The following EML4 variants were observed in gnomAD, a reference collection of about 807,000 sequenced individuals.
The protein encoded by EML4 is echinoderm microtubule-associated protein-like 4.
EML4 carries 72 observed loss-of-function variants against 129.0 expected under a neutral mutation model. The ratio of observed to expected loss-of-function variants is 0.56; its 90% CI spans 0.46 to 0.68. The LOEUF (loss-of-function observed/expected upper bound fraction) is 0.68. Among genes scored for constraint, EML4 ranks in the 30% least tolerant of loss-of-function variants. EML4 has a pLI of 0.00. For synonymous variants in EML4, 532 were observed against 405.0 expected, an observed-to-expected ratio of 1.31 and a Z score of -3.77; for missense variants, 1,363 against 1,190.6, an observed-to-expected ratio of 1.14 and a Z score of -2.13.
chr2:42,313,876 C>A (rs185913033), intron 17 of EML4, among the ~76,000 whole-genome samples: 1 of 150,742 alleles, frequency 6.6e-6, no homozygotes, highest in Non-Finnish European at 1.5e-5. Flanking sequence ...TGCAGTGAGC[C>A]GAGATAGTGC....
chr2:42,273,357 C>G (rs975751076), intron 6 of EML4, among the ~76,000 whole-genome samples: 1 of 152,054 alleles, frequency 6.6e-6, no homozygotes, highest in African/African-American at 2.4e-5. Context: ...TAAAAATAAT[C>G]TAAAATGCTT....
intron 16 of EML4, 44 bp downstream of exon 16, chr2:42,303,490 C>A: frequency 1.3e-6 from 2 of 1,598,094 alleles, no homozygotes; most frequent in Non-Finnish European, 1.7e-6. Flanking sequence ...CACAGAAACT[C>A]CTCACACTGG....
intron 19 of EML4, among the ~76,000 whole-genome samples, chr2:42,322,547 A>T (rs765077826): frequency 6.6e-6 from 1 of 152,170 alleles, no homozygotes; most frequent in Admixed American, 6.5e-5. Flanking sequence ...ATTTAACTCA[A>T]ATATTTCTGA....
At chr2:42,198,481 G>A (rs201403322) in intron 1 of EML4, among the ~76,000 whole-genome samples, 1 of 152,090 alleles carries the variant, frequency 6.6e-6, no homozygotes, top group Non-Finnish European at 1.5e-5. Context: ...AAGGTGGGAG[G>A]ATTGCTTGAG....
chr2:42,295,608 G>C, intron 13 of EML4, 92 bp downstream of exon 13: 2 of 1,122,608 alleles, frequency 1.8e-6, no homozygotes, highest in South Asian at 3.5e-5. Flanking sequence ...AAGAGCTGCA[G>C]TGTAACAATA....
intron 1 of EML4, among the ~76,000 whole-genome samples, chr2:42,231,708 G>A (rs557314342): frequency 1.3e-4 from 20 of 152,284 alleles, no homozygotes; most frequent in Non-Finnish European, 1.8e-4. Context: ...CCAGCACTTT[G>A]GGAGGCCAAG....
chr2:42,235,515 T>G (rs560005413), intron 1 of EML4, among the ~76,000 whole-genome samples: 4 of 152,228 alleles, frequency 2.6e-5, no homozygotes, highest in African/African-American at 9.6e-5. Flanking sequence ...GTTACTAGTT[T>G]CTCATGGTCT....
intron 1 of EML4, among the ~76,000 whole-genome samples, chr2:42,216,337 G>A (rs1293658022): frequency 6.9e-6 from 1 of 145,788 alleles, no homozygotes; most frequent in Non-Finnish European, 1.5e-5. Flanking sequence ...CTGCTGCCCG[G>A]GTTCAAGCGA....
chr2:42,253,721 G>A (rs57946411), intron 2 of EML4, among the ~76,000 whole-genome samples: 2 of 151,346 alleles, frequency 1.3e-5, no homozygotes, highest in Non-Finnish European at 1.5e-5. Flanking sequence ...ATGCCAGGGG[G>A]AAAAAAAAGA....
intron 2 of EML4, among the ~76,000 whole-genome samples, chr2:42,254,396 A>G: frequency 6.6e-6 from 1 of 151,654 alleles, no homozygotes; most frequent in Non-Finnish European, 1.5e-5. Context: ...AGGCCGTGGC[A>G]GCAGTGAGCC....
chr2:42,208,012 C>T (rs1057065272), intron 1 of EML4: 4 of 152,182 alleles, frequency 2.6e-5, no homozygotes, highest in Admixed American at 6.5e-5. Flanking sequence ...GAAAGTCGGA[C>T]ATCAGTATGC....
intron 1 of EML4, among the ~76,000 whole-genome samples, chr2:42,202,788 A>G (rs1478108532): frequency 6.6e-6 from 1 of 152,048 alleles, no homozygotes; most frequent in East Asian, 1.9e-4. Context: ...TCCTTTGGCA[A>G]CACCCTTCAA....
intron 1 of EML4, among the ~76,000 whole-genome samples, chr2:42,224,519 G>A (rs753241367): frequency 3.8e-4 from 58 of 152,080 alleles, no homozygotes; most frequent in Non-Finnish European, 2.9e-5. Context: ...ACAGTCATGG[G>A]CAAGTTTTTA....
At position 42,263,229 on chromosome 2, in the gene EML4, AGAT is replaced by A. The variant is rs1422670367; in HGVS notation, c.568_570del (p.Asp190del). ...AGTCACATAATTCTTGGGAAAATTCAGATGATAGCCGTAATAAATTGTCGAAAA... is the reference window on the plus strand; with the variant it reads ...AGTCACATAATTCTTGGGAAAATTCAGATAGCCGTAATAAATTGTCGAAAA... On this transcript the variant is annotated inframe_deletion, in exon 5 of 23. Transcript: ENST00000318522. 1.2e-6 allele frequency: 2 copies of A among 1,613,170 alleles called. No individual in the cohort carries two copies. Among genetic ancestry groups the A allele is most frequent in the Non-Finnish European group, 1.7e-6 (2 of 1,179,516 alleles).
At chr2:42,207,835 A>G (rs1672652458) in intron 1 of EML4, 1 of 152,222 alleles carries the variant, frequency 6.6e-6, no homozygotes, top group African/African-American at 2.4e-5. Flanking sequence ...CTGATGAATA[A>G]TTGATTTCCT....
At chr2:42,195,504 G>T (rs1443336885) in intron 1 of EML4, among the ~76,000 whole-genome samples, 1 of 151,986 alleles carries the variant, frequency 6.6e-6, no homozygotes, top group Admixed American at 6.6e-5. Flanking sequence ...AGGTTTTGTG[G>T]GTAAATAATG....
Position 42,330,269 on chromosome 2 carries a change from G to C in EML4, c.*62G>C, listed in dbSNP as rs757948068. On this transcript the variant is annotated 3_prime_UTR_variant, in exon 23 of 23. Coordinates refer to ENST00000318522, the MANE Select transcript of EML4 (RefSeq NM_019063.5). ...CATGTGATTTTGTGATAAAGTTCAGGTAACAGGATGGGCAGTGATGGAGAA... is the reference window on the plus strand; with the variant it reads ...CATGTGATTTTGTGATAAAGTTCAGCTAACAGGATGGGCAGTGATGGAGAA... 4.1e-6 allele frequency: 6 copies of C among 1,447,974 alleles called. No homozygotes were observed. Among genetic ancestry groups the C allele is most frequent in the Non-Finnish European group, 4.8e-6 (5 of 1,035,870 alleles). The allele number at this position is 1,447,974 out of a possible 1,614,324, so 89.7% of individuals were successfully genotyped here.
At position 42,306,518 on chromosome 2, in the gene EML4, A is replaced by C. The variant is rs1310470030; in HGVS notation, c.1967+1967A>C. Among the ~76,000 whole-genome samples the C allele has an allele frequency of 8.2e-5, 6 of 73,280 alleles. No individual in the cohort carries two copies. In the East Asian group the frequency reaches 5.7e-3, roughly 70 times the overall value. The allele number at this position is 73,280 out of a possible 152,430, so 48.1% of individuals were successfully genotyped here. On this transcript the variant is annotated intron_variant, in intron 17 of 22. Transcript: ENST00000318522. ...TTTTTTTTTTTTTTTTTTGAGATAG[A>C]GTCTCGCTCTGTCACCCAAGCTGGA...
chr2:42,193,703 T>C (rs939075149), intron 1 of EML4, among the ~76,000 whole-genome samples: 4 of 151,936 alleles, frequency 2.6e-5, no homozygotes, highest in African/African-American at 4.8e-5. Flanking sequence ...CTTTTCTTAA[T>C]GAAGTGGGGT....
Sources: gnomAD v4.1 joint callset for allele counts (sites outside exome capture counted in the v4.1 genomes callset) on GRCh38, gnomAD v4.1.1 for gene constraint, MANE v1.5 for transcripts, NCBI Gene and HGNC (gene_info 2026-07-23, HGNC 2026-07-21) for gene names.